FOXJ3: variants seen among roughly 807,000 people sequenced by gnomAD.
The protein encoded by FOXJ3 is forkhead box J3, also known as forkhead box protein J3.
A neutral mutation model predicts 76.1 loss-of-function variants in FOXJ3; 22 were observed. That is an observed-to-expected ratio of 0.29 (90% CI 0.21 to 0.41). FOXJ3 has a LOEUF of 0.41. FOXJ3 is among the 10% of genes least tolerant of loss of function. The probability of loss-of-function intolerance (pLI) is 1.00; values close to 1 mark genes in which losing one functional copy is unlikely to be tolerated. For synonymous variants in FOXJ3, 269 were observed against 261.2 expected (o/e 1.03, Z -0.29); for missense variants, 613 against 762.1 (o/e 0.80, Z 2.30).
chr1:42,282,460 TC>T (rs1474502180), intron 2 of FOXJ3, among the ~76,000 whole-genome samples: 9 of 152,304 alleles, frequency 5.9e-5, no homozygotes, highest in Admixed American at 5.9e-4. Flanking sequence ...TTAATCCTTC[TC>T]TAAATTCCTA....
intron 3 of FOXJ3, 76 bp downstream of exon 3, chr1:42,278,272 C>T (rs1337104870): frequency 9.0e-7 from 1 of 1,105,002 alleles, no homozygotes; most frequent in Non-Finnish European, 1.3e-6. Flanking sequence ...CATGAGCATT[C>T]ACAAAGCTTT....
At chr1:42,185,403 G>A (rs370808786) in intron 11 of FOXJ3, among the ~76,000 whole-genome samples, 8 of 151,666 alleles carry the variant, frequency 5.3e-5, no homozygotes, top group Non-Finnish European at 5.9e-5. Context: ...GACTACAGGC[G>A]CCTGCCACCA....
intron 6 of FOXJ3, among the ~76,000 whole-genome samples, chr1:42,205,368 A>G (rs944672985): frequency 2.0e-5 from 3 of 152,204 alleles, no homozygotes; most frequent in African/African-American, 4.8e-5. Context: ...AGGCTGTCCA[A>G]TTATTTATTT....
At chr1:42,201,271 C>G (rs1646759665) in intron 6 of FOXJ3, among the ~76,000 whole-genome samples, 2 of 152,186 alleles carry the variant, frequency 1.3e-5, no homozygotes, top group Non-Finnish European at 2.9e-5. Flanking sequence ...ACCTCCAACA[C>G]GATGTCAAAT....
chr1:42,280,857 G>C (rs193091368), intron 2 of FOXJ3, among the ~76,000 whole-genome samples: 1 of 152,154 alleles, frequency 6.6e-6, no homozygotes, highest in East Asian at 1.9e-4. Flanking sequence ...AATAAGAGTA[G>C]TTGCTTATAT....
At chr1:42,254,255 C>T (rs1313138939) in intron 4 of FOXJ3, among the ~76,000 whole-genome samples, 15 of 149,428 alleles carry the variant, frequency 1.0e-4, no homozygotes, top group African/African-American at 3.2e-4. Flanking sequence ...CAAATCAAAA[C>T]CACAATGAGA....
At chr1:42,205,909 G>A (rs753195051) in intron 5 of FOXJ3, 46 bp from the exon 6 acceptor site, 3 of 1,134,564 alleles carry the variant, frequency 2.6e-6, no homozygotes, top group Non-Finnish European at 4.0e-6. Context: ...CATATATCCA[G>A]CAACTTTAAC....
At position 42,244,703 on chromosome 1, in the gene FOXJ3, A is replaced by G. The variant is rs78058669; in HGVS notation, c.445-16737T>C. 7.1e-3 allele frequency among the ~76,000 whole-genome samples: 1,074 copies of G among 152,268 alleles called. 21 individuals carry two copies. The highest frequency in any genetic ancestry group is 0.025 in the African/African-American group (1,037 of 41,532). ...AAATAAAATCAGAAACAAAAAAAGA[A>G]GATGTAACAACTGACATCACAGAAA... On this transcript the variant is annotated intron_variant, in intron 4 of 12. Coordinates refer to ENST00000361346, the MANE Select transcript of FOXJ3 (RefSeq NM_014947.5).
At chr1:42,252,166 T>C (rs1041145345) in intron 4 of FOXJ3, among the ~76,000 whole-genome samples, 7 of 152,180 alleles carry the variant, frequency 4.6e-5, no homozygotes, top group African/African-American at 1.7e-4. Flanking sequence ...TTCCCTCTTT[T>C]CCTATTGATT....
chr1:42,273,226 A>C (rs1010311615), intron 3 of FOXJ3, among the ~76,000 whole-genome samples: 6 of 152,180 alleles, frequency 3.9e-5, no homozygotes, highest in African/African-American at 1.4e-4. Context: ...TTTACACAGC[A>C]TAATTACTTG....
chr1:42,191,563 G>A lies in FOXJ3; in HGVS notation c.1091C>T (p.Ser364Leu), dbSNP rs774386854. The A allele has an allele frequency of 5.8e-5, 94 of 1,614,116 alleles. No homozygotes were observed. Among genetic ancestry groups the A allele is most frequent in the Non-Finnish European group, 7.6e-5 (90 of 1,180,016 alleles). Residue 364 changes from serine (S) to leucine (L), a missense_variant, in exon 9 of 13, where the codon TCG becomes TTG. Transcript: ENST00000361346. ...GTGAGACAGTGAGACCTGTGCAACC[G>A]AATTACTGCCTGTGGTGTTGAGGCC... is the stretch of plus-strand genomic sequence containing the variant. ...GSGLNTTGSNSVAQVSLSHPQ... is the reference protein window; with the variant it reads ...GSGLNTTGSNLVAQVSLSHPQ...
intron 2 of FOXJ3, among the ~76,000 whole-genome samples, chr1:42,292,662 T>C (rs1653517243): frequency 1.3e-5 from 2 of 152,210 alleles, no homozygotes; most frequent in Non-Finnish European, 2.9e-5. Context: ...AAGGAAGAAC[T>C]TCACAGAAGC....
rs371427323 is a variant in FOXJ3 at position 42,284,905 on chromosome 1, G to T, written c.45-6233C>A. ...AATAAAAATCACAAATATAACCAAT[G>T]AGAAATGTTGCAGAAATCTAAAATT... On this transcript the variant is annotated intron_variant, in intron 2 of 12. Coordinates refer to ENST00000361346, the MANE Select transcript of FOXJ3 (RefSeq NM_014947.5). Among the ~76,000 whole-genome samples the T allele has an allele frequency of 5.3e-4, 81 of 152,182 alleles. 2 individuals are homozygous for T. The South Asian group carries it at 0.015, about 29-fold the overall frequency.
chr1:42,229,460 C>T (rs1049374274), intron 4 of FOXJ3, among the ~76,000 whole-genome samples: 6 of 152,138 alleles, frequency 3.9e-5, no homozygotes, highest in Non-Finnish European at 7.4e-5. Flanking sequence ...TATCAGTGTA[C>T]AGGGTACTAC....
At chr1:42,282,536 T>G (rs1170791666) in intron 2 of FOXJ3, among the ~76,000 whole-genome samples, 1 of 152,176 alleles carries the variant, frequency 6.6e-6, no homozygotes, top group African/African-American at 2.4e-5. Context: ...AATCATATGC[T>G]TAAGCTTTCT....
chr1:42,298,483 G>C (rs565333373), intron 2 of FOXJ3, among the ~76,000 whole-genome samples: 1 of 152,080 alleles, frequency 6.6e-6, no homozygotes, highest in Admixed American at 6.6e-5. Context: ...AGTCTCTGAT[G>C]ATCTTTTGTA....
intron 5 of FOXJ3, among the ~76,000 whole-genome samples, chr1:42,211,072 T>A (rs1569878727): frequency 6.6e-6 from 1 of 152,154 alleles, no homozygotes; most frequent in East Asian, 1.9e-4. Flanking sequence ...CTAGGCTCAG[T>A]GGGGAAAGTT....
At chr1:42,283,690 A>G (rs1171519937) in intron 2 of FOXJ3, among the ~76,000 whole-genome samples, 2 of 152,174 alleles carry the variant, frequency 1.3e-5, no homozygotes, top group African/African-American at 4.8e-5. Flanking sequence ...AACTCAGGAG[A>G]AATTCTTGTT....
At chr1:42,255,231 A>G (rs1650483534) in intron 4 of FOXJ3, among the ~76,000 whole-genome samples, 1 of 152,204 alleles carries the variant, frequency 6.6e-6, no homozygotes, top group Non-Finnish European at 1.5e-5. Flanking sequence ...ACATTTTTAA[A>G]TGGATGGCAA....
Sources: allele counts gnomAD v4.1 joint callset (sites outside exome capture counted in the v4.1 genomes callset), GRCh38; gene constraint gnomAD v4.1.1; transcripts MANE v1.5; gene names NCBI Gene and HGNC (gene_info 2026-07-23, HGNC 2026-07-21).